The following PRKCZ variants were observed in gnomAD, a reference collection of about 807,000 sequenced individuals.
The protein encoded by PRKCZ is protein kinase C zeta.
PRKCZ carries 33 observed loss-of-function variants against 79.5 expected under a neutral mutation model. That is an observed-to-expected ratio of 0.41 (90% confidence interval 0.31 to 0.55). The LOEUF (loss-of-function observed/expected upper bound fraction) is 0.55, where lower values mean the gene tolerates loss of function less well. Among genes scored for constraint, PRKCZ ranks in the 20% least tolerant of loss-of-function variants. PRKCZ has a pLI of 0.19. For synonymous variants in PRKCZ, 342 were observed against 320.9 expected (o/e 1.07, Z -0.70); for missense variants, 578 against 813.5 (o/e 0.71, Z 3.52).
chr1:2,097,028 G>A (rs942262916), intron 4 of PRKCZ, among the ~76,000 whole-genome samples: 1 of 152,238 alleles, frequency 6.6e-6, no homozygotes, highest in Non-Finnish European at 1.5e-5. Flanking sequence ...GCAGCCCTTT[G>A]TTCTGGACGG....
chr1:2,154,313 G>A lies in PRKCZ; in HGVS notation c.877-1682G>A, dbSNP rs183454433. ...CAGGTCTGCAGCTCAGGGAGAGGCC[G>A]GGCTGGGAGCTCTCGGCGTGGAAAG... On this transcript the variant is annotated intron_variant, in intron 9 of 17. Transcript: ENST00000378567. 1.0e-3 allele frequency among the ~76,000 whole-genome samples: 159 copies of A among 152,248 alleles called. No homozygotes were observed. The Middle Eastern group carries it at 0.027, about 26-fold the overall frequency.
intron 4 of PRKCZ, among the ~76,000 whole-genome samples, chr1:2,078,395 C>T (rs1022572258): frequency 4.6e-5 from 7 of 152,210 alleles, no homozygotes; most frequent in Admixed American, 3.9e-4. Flanking sequence ...TCGAAGGGAT[C>T]GCTCTACTGT....
At chr1:2,097,533 A>G (rs886089497) in intron 4 of PRKCZ, among the ~76,000 whole-genome samples, 1 of 152,186 alleles carries the variant, frequency 6.6e-6, no homozygotes, top group Non-Finnish European at 1.5e-5. Flanking sequence ...TAGGCTTTCA[A>G]ACCTTTCAAA....
intron 4 of PRKCZ, among the ~76,000 whole-genome samples, chr1:2,087,685 A>G (rs1056942860): frequency 8.5e-5 from 13 of 152,310 alleles, no homozygotes; most frequent in African/African-American, 3.1e-4. Context: ...AAAGACGTGA[A>G]GAGAGTAAAT....
chr1:2,158,624 G>A lies in PRKCZ; in HGVS notation c.974+2532G>A, dbSNP rs139031800. On this transcript the variant is annotated intron_variant, in intron 10 of 17. Transcript: ENST00000378567. Reference sequence around the variant, plus strand: ...CCCCCCACACTTCCTAAATGGTGAGGTTCCAAGAAGGGTTTTGTTTTGCTT... The same window carrying A: ...CCCCCCACACTTCCTAAATGGTGAGATTCCAAGAAGGGTTTTGTTTTGCTT... Among the ~76,000 whole-genome samples, 733 of 152,338 alleles carry A rather than the reference G, an allele frequency of 4.8e-3. 2 individuals are homozygous for A. Among genetic ancestry groups the A allele is most frequent in the African/African-American group, 0.015 (606 of 41,574 alleles).
At chr1:2,067,772 C>T (rs2102284459) in intron 4 of PRKCZ, among the ~76,000 whole-genome samples, 1 of 152,338 alleles carries the variant, frequency 6.6e-6, no homozygotes, top group Admixed American at 6.5e-5. Context: ...CTCTTCTTTG[C>T]CCCTCCTTGC....
At chr1:2,137,095 C>G (rs1676357163) in intron 5 of PRKCZ, among the ~76,000 whole-genome samples, 1 of 152,186 alleles carries the variant, frequency 6.6e-6, no homozygotes, top group Non-Finnish European at 1.5e-5. Flanking sequence ...GACAGTGCAG[C>G]CTTCAGCCTC....
intron 16 of PRKCZ, chr1:2,182,372 G>A (rs2100552560): frequency 6.3e-6 from 1 of 157,792 alleles, no homozygotes; most frequent in Non-Finnish European, 1.4e-5. Flanking sequence ...GCCAATTCCA[G>A]CTTGAACGAC....
intron 5 of PRKCZ, among the ~76,000 whole-genome samples, chr1:2,140,129 C>G (rs1677022151): frequency 1.3e-5 from 2 of 152,220 alleles, no homozygotes; most frequent in Admixed American, 6.5e-5. Flanking sequence ...TTGGTCCAAG[C>G]AGTGCCCTCA....
chr1:2,105,899 G>A (rs538425031), intron 4 of PRKCZ, among the ~76,000 whole-genome samples: 9 of 152,182 alleles, frequency 5.9e-5, no homozygotes, highest in Non-Finnish European at 1.3e-4. Flanking sequence ...GGGAGGGGCT[G>A]CCCACCAGGC....
chr1:2,117,362 T>G (rs534726549), intron 4 of PRKCZ, among the ~76,000 whole-genome samples: 1 of 141,830 alleles, frequency 7.1e-6, no homozygotes, highest in South Asian at 2.2e-4. Flanking sequence ...CGTATTACTT[T>G]TACAGTTTTT....
rs569935365 is a variant in PRKCZ at position 2,072,621 on chromosome 1, G to A, written c.334+13030G>A. 2.3e-4 allele frequency among the ~76,000 whole-genome samples: 35 copies of A among 152,320 alleles called. 1 individual carries two copies. In the South Asian group the frequency reaches 7.0e-3, roughly 31 times the overall value. Reference sequence around the variant, plus strand: ...GCCCCTGGGGCGACTGGGGGCCCGTGTAGGAGGTGGGCCCAGGTGAGAGTT... The same window carrying A: ...GCCCCTGGGGCGACTGGGGGCCCGTATAGGAGGTGGGCCCAGGTGAGAGTT... On this transcript the variant is annotated intron_variant, in intron 4 of 17. Transcript: ENST00000378567.
At chr1:2,130,234 C>G (rs1278660602) in intron 4 of PRKCZ, among the ~76,000 whole-genome samples, 4 of 152,208 alleles carry the variant, frequency 2.6e-5, no homozygotes, top group Admixed American at 2.6e-4. Flanking sequence ...GTACAGGCTG[C>G]CCTGCTGTCC....
Position 2,120,293 on chromosome 1 carries a change from G to GTTT in PRKCZ, c.335-14942_335-14940dup, listed in dbSNP as rs59518072. On this transcript the variant is annotated intron_variant, in intron 4 of 17. Coordinates refer to ENST00000378567, the MANE Select transcript of PRKCZ (RefSeq NM_002744.6). Reference sequence around the variant, plus strand: ...GGAAAATATCAGCCCTTGACTTTTCGTTTTTTTTTTTTTTTTTTTTTTTTT... The same window carrying GTTT: ...GGAAAATATCAGCCCTTGACTTTTCGTTTTTTTTTTTTTTTTTTTTTTTTTTTT... Among the ~76,000 whole-genome samples, 165 of 32,824 alleles carry GTTT rather than the reference G, an allele frequency of 5.0e-3. 47 individuals are homozygous for GTTT. Among genetic ancestry groups the GTTT allele is most frequent in the Non-Finnish European group, 6.0e-3 (104 of 17,446 alleles). The allele number at this position is 32,824 out of a possible 152,430, so 21.5% of individuals were successfully genotyped here. A position where few individuals can be genotyped will look rare whatever the true frequency, so the allele number is the denominator to read the frequency against.
chr1:2,176,172 C>T (rs552869323), intron 16 of PRKCZ, among the ~76,000 whole-genome samples: 5 of 152,198 alleles, frequency 3.3e-5, no homozygotes, highest in African/African-American at 1.2e-4. Flanking sequence ...CCCAGCTGGC[C>T]GTATGAGGTC....
chr1:2,166,779 G>C (rs1198426399), intron 10 of PRKCZ, among the ~76,000 whole-genome samples: 1 of 152,244 alleles, frequency 6.6e-6, no homozygotes, highest in Non-Finnish European at 1.5e-5. Context: ...CATCCCTTGG[G>C]GTCAGGACTG....
Position 2,144,291 on chromosome 1 carries a change from G to T in PRKCZ, c.502G>T (p.Val168Phe). Residue 168 changes from valine to phenylalanine, a missense_variant, in exon 6 of 18, where the codon GTC becomes TTC. Around this residue, in one of 4 missense-constraint regions of PRKCZ, gnomAD observed 16 missense variants for 37.4 expected, o/e 0.43. Transcript: ENST00000378567. ...GYRCINCKLLVHKRCHGLVPL... is the reference protein window; with the variant it reads ...GYRCINCKLLFHKRCHGLVPL... Reference sequence around the variant, plus strand: ...CAGGTGCATCAACTGCAAACTGCTGGTCCATAAGCGCTGCCACGGCCTCGT... The same window carrying T: ...CAGGTGCATCAACTGCAAACTGCTGTTCCATAAGCGCTGCCACGGCCTCGT... 1 of 1,569,132 alleles carries T rather than the reference G, an allele frequency of 6.4e-7. No individual in the cohort carries two copies. Among genetic ancestry groups the T allele is most frequent in the Non-Finnish European group, 8.6e-7 (1 of 1,156,256 alleles).
At position 2,111,479 on chromosome 1, in the gene PRKCZ, T is replaced by C. The variant is rs1420038933; in HGVS notation, c.335-23783T>C. On this transcript the variant is annotated intron_variant, in intron 4 of 17. Coordinates refer to ENST00000378567, the MANE Select transcript of PRKCZ (RefSeq NM_002744.6). ...TCTGGGTGTCTCCAGAGAAGCTGGT[T>C]GTCAGGACTCAAGAGGCGGACAGGG... is the stretch of plus-strand genomic sequence containing the variant. Among the ~76,000 whole-genome samples the C allele has an allele frequency of 5.9e-5, 9 of 151,300 alleles. 1 individual carries two copies. Among genetic ancestry groups the C allele is most frequent in the Admixed American group, 5.9e-4 (9 of 15,216 alleles).
intron 4 of PRKCZ, among the ~76,000 whole-genome samples, chr1:2,115,053 G>A (rs986589129): frequency 3.3e-5 from 5 of 152,216 alleles, no homozygotes; most frequent in Non-Finnish European, 7.3e-5. Flanking sequence ...CCCACACCCC[G>A]AGGTGACCCC....
Sources: allele counts gnomAD v4.1 joint callset (sites outside exome capture counted in the v4.1 genomes callset), GRCh38; gene constraint gnomAD v4.1.1; regional missense constraint gnomAD v4.1.1; transcripts MANE v1.5; gene names NCBI Gene and HGNC (gene_info 2026-07-23, HGNC 2026-07-21).